Variants in DGAT1 observed in about 807,000 individuals in gnomAD.
DGAT1 encodes diacylglycerol O-acyltransferase 1.
DGAT1 carries 60 observed loss-of-function variants against 72.6 expected under a neutral mutation model. That is an observed-to-expected ratio of 0.83 (90% confidence interval 0.67 to 1.02). The LOEUF is 1.02. Among genes scored for constraint, DGAT1 ranks in the 50% least tolerant of loss-of-function variants. The pLI, the probability that DGAT1 is intolerant of heterozygous loss-of-function variation, is 0.00. For missense variants in DGAT1, 592 were observed against 670.0 expected (o/e 0.88, Z 1.29); for synonymous variants, 290 against 267.5 (o/e 1.08, Z -0.82).
chr8:144,318,385 C>A (rs782350853), intron 6 of DGAT1, 23 bp from the exon 7 acceptor site: 8 of 1,608,830 alleles, frequency 5.0e-6, no homozygotes, highest in Non-Finnish European at 6.8e-6. Flanking sequence ...TGGACTCAGG[C>A]CTCCACAGCG....
Position 144,318,865 on chromosome 8 carries a change from A to G in DGAT1, c.385T>C (p.Tyr129His). Residue 129 changes from tyrosine to histidine, a missense_variant, in exon 4 of 17, where the codon TAT (tyrosine) becomes CAT (histidine). Tyr to His is a moderately conservative substitution (Grantham distance 83). Transcript: ENST00000528718. ...QVVSLFLKDP[Y>H]SWPAPCLVIA... is the part of the protein sequence containing the mutation. ...ACCAGGCATGGGGCGGGCCAGCTAT[A>G]GGGATCCTTCAGGAACAGAGAAACC... is the stretch of plus-strand genomic sequence containing the variant. The G allele has an allele frequency of 1.9e-6, 3 of 1,612,148 alleles. No individual in the cohort carries two copies. The South Asian group carries it at 3.3e-5, about 18-fold the overall frequency.
At chr8:144,323,100 C>T (rs2130540783) in intron 1 of DGAT1, among the ~76,000 whole-genome samples, 1 of 152,316 alleles carries the variant, frequency 6.6e-6, no homozygotes, top group East Asian at 1.9e-4. Context: ...TTGTTTTCAG[C>T]AGAACAATCC....
At chr8:144,326,407 C>A in intron 1 of DGAT1, 30 bp downstream of exon 1, 1 of 1,390,522 alleles carries the variant, frequency 7.2e-7, no homozygotes, top group South Asian at 1.5e-5. Context: ...GCCCTTGGGT[C>A]AGAGGTTAGG....
chr8:144,314,965 GA>G lies in DGAT1; in HGVS notation c.*1588del, dbSNP rs879972717. ...TCTCTGGTTGTCACAGGACCACCAG[GA>G]ACCCCCTTCCCAAGGTGTTCGCACT... On this transcript the variant is annotated 3_prime_UTR_variant, in exon 17 of 17. Coordinates refer to ENST00000528718, the MANE Select transcript of DGAT1 (RefSeq NM_012079.6). 1.0e-6 allele frequency: 1 copy of G among 985,768 alleles called. No individual in the cohort carries two copies. The highest frequency in any genetic ancestry group is 1.2e-6 in the Non-Finnish European group (1 of 830,340). The allele number at this position is 985,768 out of a possible 1,614,324, so 61.1% of individuals were successfully genotyped here.
At chr8:144,318,388 C>G in intron 6 of DGAT1, 26 bp from the exon 7 acceptor site, 1 of 1,609,132 alleles carries the variant, frequency 6.2e-7, no homozygotes, top group South Asian at 1.1e-5. Context: ...ACTCAGGCCT[C>G]CACAGCGCCA....
At chr8:144,322,201 A>C (rs549489210) in intron 1 of DGAT1, among the ~76,000 whole-genome samples, 9 of 152,296 alleles carry the variant, frequency 5.9e-5, no homozygotes, top group African/African-American at 1.7e-4. Flanking sequence ...CACCCAGCCC[A>C]ATAGAGGGAC....
At position 144,314,744 on chromosome 8, in the gene DGAT1, G is replaced by A. The variant is rs1817121617; in HGVS notation, c.*1810C>T. The A allele has an allele frequency of 4.3e-6, 1 of 232,280 alleles. No individual in the cohort carries two copies. Among genetic ancestry groups the A allele is most frequent in the Non-Finnish European group, 7.8e-6 (1 of 128,054 alleles). The allele number at this position is 232,280 out of a possible 1,614,324, so 14.4% of individuals were successfully genotyped here. ...GCTATGGCCTCCATGTGTTTCCTCT[G>A]TCCCAGGGTGGTGCGGTGGGTGGTG... On this transcript the variant is annotated 3_prime_UTR_variant, in exon 17 of 17. Transcript: ENST00000528718.
chr8:144,321,624 C>T (rs1339814801), intron 1 of DGAT1, among the ~76,000 whole-genome samples: 6 of 152,220 alleles, frequency 3.9e-5, no homozygotes, highest in African/African-American at 7.2e-5. Context: ...CTCCAGGCAG[C>T]GGGACGAGCA....
At position 144,316,619 on chromosome 8, in the gene DGAT1, C is replaced by T. The variant is rs782330158; in HGVS notation, c.1402G>A (p.Ala468Thr). Residue 468 changes from alanine (A) to threonine (T), a missense_variant, in exon 17 of 17, where the codon GCC becomes ACC. By Grantham distance (58) the Ala-to-Thr change is moderately conservative. Coordinates refer to ENST00000528718, the MANE Select transcript of DGAT1 (RefSeq NM_012079.6). ...TAGTCGTGGACGTACATGAGGACGG[C>T]TATTGGCTGTCCGATGATGAGCGAC... Reference protein sequence around the residue: ...WLSLIIGQPIAVLMYVHDYYV... With the variant: ...WLSLIIGQPITVLMYVHDYYV... 1.9e-6 allele frequency: 3 copies of T among 1,608,132 alleles called. No homozygotes were observed. The highest frequency in any genetic ancestry group is 2.7e-5 in the African/African-American group (2 of 74,984).
Position 144,317,457 on chromosome 8 carries a change from G to A in DGAT1, c.982-12C>T. 1.2e-6 allele frequency: 2 copies of A among 1,613,798 alleles called. No homozygotes were observed. The highest frequency in any genetic ancestry group is 1.7e-6 in the Non-Finnish European group (2 of 1,179,942). ...AGGTGATTGGGGACCTGGCAGGGAGGTGGGGGTGGGCACCAAGTTCTAGAA... is the reference window on the plus strand; with the variant it reads ...AGGTGATTGGGGACCTGGCAGGGAGATGGGGGTGGGCACCAAGTTCTAGAA... On this transcript the variant is annotated splice_polypyrimidine_tract_variant and intron_variant, in intron 12 of 16. Transcript: ENST00000528718.
In DGAT1 at chr8:144,316,305, T is replaced by G; in HGVS notation, c.*249A>C. 1 of 538,296 alleles carries G rather than the reference T, an allele frequency of 1.9e-6. No individual in the cohort carries two copies. The highest frequency in any genetic ancestry group is 2.4e-5 in the South Asian group (1 of 41,480). The allele number at this position is 538,296 out of a possible 1,614,324, so 33.3% of individuals were successfully genotyped here. A position where few individuals can be genotyped will look rare whatever the true frequency, so the allele number is the denominator to read the frequency against. On this transcript the variant is annotated 3_prime_UTR_variant, in exon 17 of 17. Transcript: ENST00000528718. ...GGCTGAAGAGGTCACTGGACAGCAC[T>G]TTATTGACACCCTCGGACCCGGGGC...
At position 144,318,936 on chromosome 8, in the gene DGAT1, T is replaced by C. The variant is rs782749290; in HGVS notation, c.330-16A>G. The C allele has an allele frequency of 2.7e-6, 3 of 1,119,848 alleles. No homozygotes were observed. The highest frequency in any genetic ancestry group is 3.4e-6 in the Non-Finnish European group (3 of 888,788). 69.4% of individuals were successfully genotyped at this position (1,119,848 alleles called of 1,614,324 possible). On this transcript the variant is annotated splice_polypyrimidine_tract_variant and intron_variant, in intron 3 of 16. Coordinates refer to ENST00000528718, the MANE Select transcript of DGAT1 (RefSeq NM_012079.6). ...GATGCCATACCTGGGGGTGGAGGGATGGGGGTCTGAGTGGGTGGCAGGTGG... is the reference window on the plus strand; with the variant it reads ...GATGCCATACCTGGGGGTGGAGGGACGGGGGTCTGAGTGGGTGGCAGGTGG...
chr8:144,316,818 T>C, intron 16 of DGAT1, 35 bp downstream of exon 16: 1 of 1,601,744 alleles, frequency 6.2e-7, no homozygotes, highest in Non-Finnish European at 8.5e-7. Context: ...GCGGGGTAAC[T>C]GGGCGAGTGA....
At chr8:144,320,461 G>T (rs551837377) in intron 2 of DGAT1, among the ~76,000 whole-genome samples, 4 of 152,186 alleles carry the variant, frequency 2.6e-5, no homozygotes, top group Non-Finnish European at 5.9e-5. Flanking sequence ...TGGGGGATGT[G>T]GATGTGCGTG....
chr8:144,326,353 CG>C, intron 1 of DGAT1, 83 bp downstream of exon 1: 1 of 1,251,456 alleles, frequency 8.0e-7, no homozygotes, highest in Non-Finnish European at 1.0e-6. Context: ...CCCATGTTCT[CG>C]GACTCGGAGC....
chr8:144,321,509 A>G, intron 1 of DGAT1, 101 bp from the exon 2 acceptor site: 3 of 1,041,938 alleles, frequency 2.9e-6, no homozygotes, highest in Middle Eastern at 2.2e-4. Flanking sequence ...GTCTGCCCTC[A>G]GGCCCCACTC....
Position 144,316,403 on chromosome 8 carries a change from C to T in DGAT1, c.*151G>A, listed in dbSNP as rs1554846964. 4 of 997,796 alleles carry T rather than the reference C, an allele frequency of 4.0e-6. No individual in the cohort carries two copies. In the Admixed American group the frequency reaches 1.1e-4, roughly 28 times the overall value. The allele number at this position is 997,796 out of a possible 1,614,324, so 61.8% of individuals were successfully genotyped here. ...GTCGCCATCCCTGAGGGGTGCAGGACAGAGCCCCATAGGGGCAGAGAGGCC... is the reference window on the plus strand; with the variant it reads ...GTCGCCATCCCTGAGGGGTGCAGGATAGAGCCCCATAGGGGCAGAGAGGCC... On this transcript the variant is annotated 3_prime_UTR_variant, in exon 17 of 17. Coordinates refer to ENST00000528718, the MANE Select transcript of DGAT1 (RefSeq NM_012079.6).
At chr8:144,316,764 TCAG>T in intron 16 of DGAT1, 55 bp from the exon 17 acceptor site, 1 of 1,599,900 alleles carries the variant, frequency 6.3e-7, no homozygotes, top group African/African-American at 1.3e-5. Context: ...GCTGGGGGCT[TCAG>T]GGTCCCTGGG....
In DGAT1 at chr8:144,326,614, C is replaced by T; in HGVS notation, c.23G>A (p.Arg8Gln). The change falls in exon 1 of 17, where the codon CGG (arginine) becomes CAG (glutamine). Residue 8 changes from arginine (R) to glutamine (Q), a missense_variant. By Grantham distance (43) the Arg-to-Gln change is conservative. Transcript: ENST00000528718. The part of the protein sequence containing the change: MGDRGSS[R>Q]RRRTGSRPSS... ...GGGCCGCGACCCTGTCCTCCGGCGC[C>T]GGGAGCTGCCGCGGTCGCCCATGGC... 1.7e-6 allele frequency: 2 copies of T among 1,204,298 alleles called. No homozygotes were observed. Among genetic ancestry groups the T allele is most frequent in the Non-Finnish European group, 2.1e-6 (2 of 970,434 alleles). The allele number at this position is 1,204,298 out of a possible 1,614,324, so 74.6% of individuals were successfully genotyped here.
Sources: gnomAD v4.1 joint callset for allele counts (sites outside exome capture counted in the v4.1 genomes callset) on GRCh38, gnomAD v4.1.1 for gene constraint, MANE v1.5 for transcripts, NCBI Gene and HGNC (gene_info 2026-07-23, HGNC 2026-07-21) for gene names.